BIN1: variants seen among roughly 807,000 people sequenced by gnomAD.
BIN1 encodes the protein myc box-dependent-interacting protein 1.
BIN1 carries 53 observed loss-of-function variants against 82.0 expected under a neutral mutation model. The observed-to-expected ratio is 0.65, with a 90% confidence interval of 0.52 to 0.81. The LOEUF is 0.81. BIN1 is among the 40% of genes least tolerant of loss of function. The pLI is 0.00. For missense variants in BIN1, 642 were observed against 784.4 expected (o/e 0.82, Z 2.17); for synonymous variants, 302 against 328.0 (o/e 0.92, Z 0.86).
Position 127,048,251 on chromosome 2 carries a change from C to T in BIN1, c.*275G>A. 2.2e-6 allele frequency: 1 copy of T among 458,386 alleles called. No homozygotes were observed. 28.4% of individuals were successfully genotyped at this position (458,386 alleles called of 1,614,324 possible). A position where few individuals can be genotyped will look rare whatever the true frequency, so the allele number is the denominator to read the frequency against. ...GCAGCCCCCAGCCCCGCCCTGCGGC[C>T]AGGCACACATGCGGGCACAGGCAGG... On this transcript the variant is annotated 3_prime_UTR_variant, in exon 19 of 19. Transcript: ENST00000316724.
intron 2 of BIN1, among the ~76,000 whole-genome samples, chr2:127,075,258 T>G (rs1004325453): frequency 2.0e-5 from 3 of 152,210 alleles, no homozygotes. Context: ...TGCATAGATC[T>G]CTGTCAAACA....
At chr2:127,062,610 C>T (rs17014851) in intron 9 of BIN1, among the ~76,000 whole-genome samples, 3 of 151,990 alleles carry the variant, frequency 2.0e-5, no homozygotes, top group East Asian at 1.9e-4. Context: ...CAGGCACGAG[C>T]GGAGGTTTAT....
intron 18 of BIN1, among the ~76,000 whole-genome samples, chr2:127,050,000 C>T (rs550948102): frequency 1.3e-4 from 20 of 152,306 alleles, no homozygotes; most frequent in South Asian, 8.3e-4. Flanking sequence ...ACCAGTGCTC[C>T]GGCTGGCTGC....
At chr2:127,074,847 C>A (rs62157853) in intron 2 of BIN1, among the ~76,000 whole-genome samples, 23,167 of 152,144 alleles carry the variant, frequency 0.15, 1,859 homozygotes, top group South Asian at 0.25. Context: ...GGACTACAGG[C>A]ACACACCACC....
At chr2:127,078,681 A>G (rs1686926758) in intron 1 of BIN1, among the ~76,000 whole-genome samples, 1 of 152,182 alleles carries the variant, frequency 6.6e-6, no homozygotes, top group African/African-American at 2.4e-5. Context: ...AAACCCCCAC[A>G]TGAGCAAGAA....
rs1301218032 is a variant in BIN1, at chr2:127,092,421, G to A, written c.84+14439C>T. 2.0e-5 allele frequency among the ~76,000 whole-genome samples: 3 copies of A among 152,152 alleles called. No individual in the cohort carries two copies. The East Asian group carries it at 5.8e-4, about 29-fold the overall frequency. On this transcript the variant is annotated intron_variant, in intron 1 of 18. Coordinates refer to ENST00000316724, the MANE Select transcript of BIN1 (RefSeq NM_139343.3). ...CCATCCCTCCCTGGGCATAATCCAG[G>A]TCCCACTAACCTTAGAGGGAGGTAA...
At position 127,090,670 on chromosome 2, in the gene BIN1, C is replaced by T. The variant is rs1678808098; in HGVS notation, c.85-13964G>A. ...TGGGAGGAGCAGAGCACCAGCCCAG[C>T]CCCAGCCAGGGCACAGCTGTGGGTG... On this transcript the variant is annotated intron_variant, in intron 1 of 18. Coordinates refer to ENST00000316724, the MANE Select transcript of BIN1 (RefSeq NM_139343.3). The surrounding 1 kb of genome is among the most constrained non-coding windows in gnomAD (Gnocchi z 6.4). 2.0e-5 allele frequency among the ~76,000 whole-genome samples: 3 copies of T among 152,352 alleles called. No homozygotes were observed. The South Asian group carries it at 6.2e-4, about 32-fold the overall frequency.
intron 1 of BIN1, 75 bp downstream of exon 1, chr2:127,106,785 G>C: frequency 6.6e-7 from 1 of 1,519,850 alleles, no homozygotes; most frequent in Non-Finnish European, 8.9e-7. Flanking sequence ...CCCGGGGTCG[G>C]AGGATAGGGG....
chr2:127,068,971 C>A lies in BIN1; in HGVS notation c.472G>T (p.Glu158Ter). Residue 158 changes from glutamate to a stop codon, truncating the protein, a stop_gained, in exon 6 of 19, where the codon GAG becomes TAG. Coordinates refer to ENST00000316724, the MANE Select transcript of BIN1 (RefSeq NM_139343.3). LOFTEE classifies it high-confidence loss of function. The surrounding 1 kb of genome is among the most constrained non-coding windows in gnomAD (Gnocchi z 4.9). ...VDYDSARHHY[E>*]SLQTAKKKDE... is the part of the protein sequence containing the mutation. ...TTCTTTTTGGCAGTTTGAAGGGACT[C>A]GTAGTGGTGCCGGGCACTGTCGTAG... 1.2e-6 allele frequency: 2 copies of A among 1,614,200 alleles called. No individual in the cohort carries two copies. The highest frequency in any genetic ancestry group is 1.7e-6 in the Non-Finnish European group (2 of 1,180,028).
In BIN1 at chr2:127,068,886, C is replaced by A; in HGVS notation, c.519+38G>T. 2 of 1,579,350 alleles carry A rather than the reference C, an allele frequency of 1.3e-6. No individual in the cohort carries two copies. The highest frequency in any genetic ancestry group is 1.7e-6 in the Non-Finnish European group (2 of 1,148,930). ...CCTAGACACCCGCCCTCTCTCAGCCCCCTGCAGACGCTGCCCCGACCCGCC... is the reference window on the plus strand; with the variant it reads ...CCTAGACACCCGCCCTCTCTCAGCCACCTGCAGACGCTGCCCCGACCCGCC... On this transcript the variant is annotated intron_variant, in intron 6 of 18. Coordinates refer to ENST00000316724, the MANE Select transcript of BIN1 (RefSeq NM_139343.3). The surrounding 1 kb of genome is among the most constrained non-coding windows in gnomAD (Gnocchi z 4.9).
At chr2:127,070,899 G>A (rs1685806834) in intron 2 of BIN1, 83 bp from the exon 3 acceptor site, 3 of 1,390,908 alleles carry the variant, frequency 2.2e-6, no homozygotes, top group South Asian at 2.5e-5. Flanking sequence ...ACCCTCACGT[G>A]AATGAACCAG....
chr2:127,063,558 C>T lies in BIN1; in HGVS notation c.774+13G>A, dbSNP rs767512096. 1.7e-5 allele frequency: 28 copies of T among 1,613,122 alleles called. 1 individual carries two copies. The highest frequency in any genetic ancestry group is 2.3e-5 in the Non-Finnish European group (27 of 1,179,620). On this transcript the variant is annotated intron_variant, in intron 9 of 18. Transcript: ENST00000316724. ...GTGGGGTGTGGCCCCTCAGAGGGGT[C>T]CCCATGGCCTACCTTGCTCATCTCC...
chr2:127,077,603 A>G (rs984634651), intron 1 of BIN1, among the ~76,000 whole-genome samples: 1 of 152,172 alleles, frequency 6.6e-6, no homozygotes, highest in African/African-American at 2.4e-5. Context: ...AGAGCTCCAC[A>G]TGACGGAGAG....
chr2:127,057,256 C>G lies in BIN1; in HGVS notation c.1131+217G>C, dbSNP rs116466976. Among the ~76,000 whole-genome samples the G allele has an allele frequency of 6.6e-6, 1 of 152,256 alleles. No individual in the cohort carries two copies. Among genetic ancestry groups the G allele is most frequent in the Non-Finnish European group, 1.5e-5 (1 of 68,046 alleles). On this transcript the variant is annotated intron_variant, in intron 12 of 18. Transcript: ENST00000316724. This position sits in a 1 kb window ranked among gnomAD's most constrained non-coding sequence, Gnocchi z 5.0. Reference sequence around the variant, plus strand: ...GCCGGGAGAGGCGGCACCTTCCCCTCTGTGGCCCTGCATCTGGCCTTAGTA... The same window carrying G: ...GCCGGGAGAGGCGGCACCTTCCCCTGTGTGGCCCTGCATCTGGCCTTAGTA...
At chr2:127,051,387 C>T (rs1294929040) in intron 15 of BIN1, 144 bp from the exon 16 acceptor site, 1 of 823,316 alleles carries the variant, frequency 1.2e-6, no homozygotes, top group East Asian at 2.7e-5. Context: ...TGCCCAGTGC[C>T]TCGAAGAATC....
intron 1 of BIN1, among the ~76,000 whole-genome samples, chr2:127,098,739 C>T (rs928210889): frequency 1.3e-5 from 2 of 152,252 alleles, no homozygotes; most frequent in African/African-American, 4.8e-5. Flanking sequence ...TCCAGCAAAT[C>T]ACACTGAACC....
chr2:127,060,615 G>T (rs370505438), intron 10 of BIN1: 6 of 1,614,110 alleles, frequency 3.7e-6, no homozygotes, highest in Non-Finnish European at 5.1e-6. Context: ...TTTCTGCGCA[G>T]CCGCGAAAAC....
intron 1 of BIN1, among the ~76,000 whole-genome samples, chr2:127,101,010 G>GGGGGGT (rs71393837): frequency 7.2e-6 from 1 of 139,694 alleles, no homozygotes; most frequent in Admixed American, 6.9e-5. Flanking sequence ...GGGGGGTGGG[G>GGGGGGT]ATAGACTCAA....
In BIN1 at chr2:127,107,021, CCCCGGCCGCGCGT is replaced by C; in HGVS notation, c.-91_-79del. The stretch of plus-strand genomic sequence containing the variant: ...TGCGCGCCGCGCTCCCAGCCCCCAG[CCCCGGCCGCGCGT>C]CCAGACCGGCTGCCGCTCCACGCCG... On this transcript the variant is annotated 5_prime_UTR_variant, in exon 1 of 19. Coordinates refer to ENST00000316724, the MANE Select transcript of BIN1 (RefSeq NM_139343.3). This position sits in a 1 kb window ranked among gnomAD's most constrained non-coding sequence, Gnocchi z 5.9. 2 of 1,414,954 alleles carry C rather than the reference CCCCGGCCGCGCGT, an allele frequency of 1.4e-6. No homozygotes were observed. The highest frequency in any genetic ancestry group is 1.8e-6 in the Non-Finnish European group (2 of 1,081,408). 87.6% of individuals were successfully genotyped at this position (1,414,954 alleles called of 1,614,324 possible). A position where few individuals can be genotyped will look rare whatever the true frequency, so the allele number is the denominator to read the frequency against.
Sources: gnomAD v4.1 joint callset for allele counts (sites outside exome capture counted in the v4.1 genomes callset) on GRCh38, gnomAD v4.1.1 for gene constraint, Gnocchi (gnomAD v3.1) non-coding constraint, MANE v1.5 for transcripts, NCBI Gene and HGNC (gene_info 2026-07-23, HGNC 2026-07-21) for gene names.